Variants in AVL9 observed in about 807,000 individuals in gnomAD.
AVL9 encodes late secretory pathway protein AVL9 homolog.
A neutral mutation model predicts 79.2 loss-of-function variants in AVL9; 49 were observed. The observed-to-expected ratio is 0.62, with a 90% CI of 0.49 to 0.79. AVL9 has a LOEUF of 0.79. AVL9 is among the 30% of genes least tolerant of loss of function. The probability of loss-of-function intolerance (pLI) is 0.00; values close to 1 mark genes in which losing one functional copy is unlikely to be tolerated. For synonymous variants in AVL9, 299 were observed against 280.6 expected (o/e 1.07, Z -0.65); for missense variants, 682 against 776.8 (o/e 0.88, Z 1.45).
Position 32,588,087 on chromosome 7 carries a change from T to A in AVL9, c.*4180T>A, listed in dbSNP as rs1791876621. The A allele has an allele frequency of 6.6e-6, 1 of 152,216 alleles. No individual in the cohort carries two copies. Among genetic ancestry groups the A allele is most frequent in the African/African-American group, 2.4e-5 (1 of 41,454 alleles). 9.4% of individuals were successfully genotyped at this position (152,216 alleles called of 1,614,324 possible). On this transcript the variant is annotated 3_prime_UTR_variant, in exon 16 of 16. Transcript: ENST00000318709. The stretch of plus-strand genomic sequence containing the variant: ...TACTTATATGAAAGATAACTATATA[T>A]TTAAATCATGTAAGTGGAACACAGT...
intron 8 of AVL9, among the ~76,000 whole-genome samples, chr7:32,557,016 G>A (rs866783767): frequency 3.9e-5 from 6 of 151,902 alleles, no homozygotes; most frequent in South Asian, 2.1e-4. Flanking sequence ...AGACATTATG[G>A]TACTTCACTC....
intron 1 of AVL9, 51 bp downstream of exon 1, chr7:32,495,853 CCGGG>C: frequency 8.5e-7 from 1 of 1,178,194 alleles, no homozygotes; most frequent in Non-Finnish European, 1.1e-6. Context: ...TTCGCCCCTT[CCGGG>C]GCCCCCCTGC....
At chr7:32,560,465 A>C (rs1291763577) in intron 10 of AVL9, among the ~76,000 whole-genome samples, 1 of 152,170 alleles carries the variant, frequency 6.6e-6, no homozygotes, top group East Asian at 1.9e-4. Flanking sequence ...CATCCCTAAG[A>C]AGCAGCTCCT....
intron 1 of AVL9, among the ~76,000 whole-genome samples, chr7:32,542,385 CAAAAAAAAA>C (rs567774011): frequency 3.3e-5 from 3 of 90,618 alleles, no homozygotes; most frequent in Non-Finnish European, 7.2e-5. Context: ...AGTAAAAATA[CAAAAAAAAA>C]AAAAAAAAAA....
At chr7:32,518,418 A>C (rs540712855) in intron 1 of AVL9, among the ~76,000 whole-genome samples, 1 of 152,322 alleles carries the variant, frequency 6.6e-6, no homozygotes, top group African/African-American at 2.4e-5. Flanking sequence ...AGTTAAATAC[A>C]TATTTCATTA....
chr7:32,560,823 C>G (rs758762312), intron 10 of AVL9, among the ~76,000 whole-genome samples: 30 of 152,212 alleles, frequency 2.0e-4, no homozygotes, highest in Non-Finnish European at 4.0e-4. Flanking sequence ...GTCAAAATGA[C>G]TCCTTGATCC....
Position 32,559,222 on chromosome 7 carries a change from G to T in AVL9, c.973G>T (p.Asp325Tyr), listed in dbSNP as rs1790225057. ...YLKPPSRPSPDSSESDWETLD... is the reference protein window; with the variant it reads ...YLKPPSRPSPYSSESDWETLD... ...GAAACCTCCATCTCGCCCATCTCCA[G>T]ATTCTTCAGAAAGTGACTGGGAAAC... Residue 325 changes from aspartate to tyrosine, a missense_variant, in exon 10 of 16, where the codon GAT becomes TAT. Asp to Tyr is a radical substitution (Grantham distance 160). Coordinates refer to ENST00000318709, the MANE Select transcript of AVL9 (RefSeq NM_015060.3). 1 of 1,614,100 alleles carries T rather than the reference G, an allele frequency of 6.2e-7. No individual in the cohort carries two copies. The highest frequency in any genetic ancestry group is 1.7e-5 in the Admixed American group (1 of 60,000).
intron 1 of AVL9, among the ~76,000 whole-genome samples, chr7:32,520,694 T>C (rs1788103338): frequency 6.6e-6 from 1 of 152,168 alleles, no homozygotes; most frequent in Admixed American, 6.5e-5. Context: ...ATGGCAAATT[T>C]TGGGCTGAGA....
chr7:32,537,072 T>C (rs1788946306), intron 1 of AVL9: 1 of 152,190 alleles, frequency 6.6e-6, no homozygotes, highest in African/African-American at 2.4e-5. Context: ...GAATTCAATC[T>C]CCAACACCGT....
intron 4 of AVL9, among the ~76,000 whole-genome samples, chr7:32,549,278 G>A (rs1011847626): frequency 1.3e-5 from 2 of 150,258 alleles, no homozygotes; most frequent in Non-Finnish European, 1.5e-5. Flanking sequence ...AGGCTGGAGT[G>A]TGGTGGCGTG....
At chr7:32,501,031 A>G (rs556817011) in intron 1 of AVL9, among the ~76,000 whole-genome samples, 1 of 152,236 alleles carries the variant, frequency 6.6e-6, no homozygotes, top group South Asian at 2.1e-4. Context: ...CAGTGAGTAA[A>G]GCAACCAGCA....
intron 1 of AVL9, among the ~76,000 whole-genome samples, chr7:32,505,513 A>C (rs1583485278): frequency 1.1e-5 from 1 of 91,480 alleles, no homozygotes; most frequent in South Asian, 5.2e-4. Flanking sequence ...ACAAGAGCAA[A>C]ACTCCGTCTC....
At chr7:32,552,340 T>G (rs745889224) in intron 6 of AVL9, 45 bp downstream of exon 6, 2 of 1,255,564 alleles carry the variant, frequency 1.6e-6, no homozygotes, top group Non-Finnish European at 2.3e-6. Flanking sequence ...CTCATTTCTA[T>G]TTGTTTAGCA....
At chr7:32,504,787 G>C (rs1226856771) in intron 1 of AVL9, among the ~76,000 whole-genome samples, 1 of 152,198 alleles carries the variant, frequency 6.6e-6, no homozygotes, top group Non-Finnish European at 1.5e-5. Context: ...CTGGGATGGT[G>C]AAAAATCTGT....
chr7:32,565,189 C>T (rs1790501495), intron 10 of AVL9, among the ~76,000 whole-genome samples: 1 of 152,184 alleles, frequency 6.6e-6, no homozygotes, highest in Non-Finnish European at 1.5e-5. Context: ...AATTTTCTCC[C>T]TCTTTTCTAG....
At chr7:32,583,705 T>C in intron 15 of AVL9, 87 bp from the exon 16 acceptor site, 1 of 823,720 alleles carries the variant, frequency 1.2e-6, no homozygotes, top group Non-Finnish European at 1.9e-6. Context: ...AATTTTTAAT[T>C]AAAAATGTAT....
chr7:32,515,722 A>G (rs1000497031), intron 1 of AVL9, among the ~76,000 whole-genome samples: 1 of 152,132 alleles, frequency 6.6e-6, no homozygotes, highest in African/African-American at 2.4e-5. Flanking sequence ...CCTTACTGTT[A>G]TAGCGCTCAG....
chr7:32,541,402 AG>A (rs1284032254), intron 1 of AVL9, among the ~76,000 whole-genome samples: 4 of 152,172 alleles, frequency 2.6e-5, no homozygotes, highest in African/African-American at 9.7e-5. Context: ...AATAATTACC[AG>A]GACTCCTTAT....
At chr7:32,517,453 C>T (rs917015679) in intron 1 of AVL9, among the ~76,000 whole-genome samples, 1 of 151,862 alleles carries the variant, frequency 6.6e-6, no homozygotes, top group African/African-American at 2.4e-5. Context: ...TTACAGGTGC[C>T]TGCCACTGTG....
Sources: allele counts gnomAD v4.1 joint callset (sites outside exome capture counted in the v4.1 genomes callset), GRCh38; gene constraint gnomAD v4.1.1; transcripts MANE v1.5; gene names NCBI Gene and HGNC (gene_info 2026-07-23, HGNC 2026-07-21).